Variants in RABGAP1L observed in about 807,000 individuals in gnomAD.
RABGAP1L encodes rab GTPase-activating protein 1-like.
A neutral mutation model predicts 137.7 loss-of-function variants in RABGAP1L; 63 were observed. That is an observed-to-expected ratio of 0.46 (90% CI 0.37 to 0.56). RABGAP1L has a LOEUF of 0.56. Ranked by LOEUF, RABGAP1L falls within the 20% of genes least tolerant of loss-of-function variation. The pLI is 0.00. For synonymous variants in RABGAP1L, 431 were observed against 433.7 expected, an observed-to-expected ratio of 0.99 and a Z score of 0.08; for missense variants, 1,095 against 1,244.0, an observed-to-expected ratio of 0.88 and a Z score of 1.80.
chr1:174,523,221 A>G (rs543846795), intron 13 of RABGAP1L, among the ~76,000 whole-genome samples: 2 of 152,324 alleles, frequency 1.3e-5, no homozygotes, highest in South Asian at 2.1e-4. Flanking sequence ...TCATCCTTCA[A>G]TGAACACAAC....
intron 13 of RABGAP1L, among the ~76,000 whole-genome samples, chr1:174,422,061 G>A (rs145640538): frequency 1.3e-5 from 2 of 152,064 alleles, no homozygotes; most frequent in African/African-American, 2.4e-5. Context: ...GAGCCAACAC[G>A]CCCAGCCTCT....
intron 13 of RABGAP1L, among the ~76,000 whole-genome samples, chr1:174,408,635 T>G (rs537542961): frequency 5.3e-5 from 8 of 152,298 alleles, no homozygotes; most frequent in African/African-American, 1.9e-4. Context: ...GAGAAATCTC[T>G]AAAGCATTCC....
At chr1:174,537,173 A>G (rs918343822) in intron 13 of RABGAP1L, among the ~76,000 whole-genome samples, 6 of 152,202 alleles carry the variant, frequency 3.9e-5, no homozygotes, top group African/African-American at 1.2e-4. Flanking sequence ...TCTGACTTAG[A>G]TGAAGTTTCA....
intron 1 of RABGAP1L, among the ~76,000 whole-genome samples, chr1:174,164,763 C>T (rs1451101084): frequency 1.3e-5 from 2 of 152,196 alleles, no homozygotes; most frequent in Non-Finnish European, 2.9e-5. Flanking sequence ...TGGGTTTTGA[C>T]TTCCAAATTA....
intron 1 of RABGAP1L, among the ~76,000 whole-genome samples, chr1:174,177,967 G>C (rs994493103): frequency 8.6e-5 from 13 of 152,044 alleles, no homozygotes; most frequent in Non-Finnish European, 1.9e-4. Context: ...TATATGGATT[G>C]TTTTTTGGTT....
At chr1:174,371,859 A>G (rs1284191976) in intron 12 of RABGAP1L, among the ~76,000 whole-genome samples, 1 of 152,210 alleles carries the variant, frequency 6.6e-6, no homozygotes, top group South Asian at 2.1e-4. Context: ...TCAAGAGAAA[A>G]GTGGATGCTC....
At chr1:174,779,447 G>A (rs1316486490) in intron 18 of RABGAP1L, among the ~76,000 whole-genome samples, 2 of 152,210 alleles carry the variant, frequency 1.3e-5, no homozygotes, top group South Asian at 4.1e-4. Flanking sequence ...TAAAGACAGT[G>A]TGAGGCTGTT....
At chr1:174,376,111 GGAGAGAAAGACA>G (rs1685517801) in intron 12 of RABGAP1L, among the ~76,000 whole-genome samples, 1 of 147,242 alleles carries the variant, frequency 6.8e-6, no homozygotes, top group Admixed American at 6.9e-5. Flanking sequence ...AAAGAAGGAA[GGAGAGAAAGACA>G]GAGAGAGATA....
chr1:174,942,142 A>G (rs1665989598), intron 19 of RABGAP1L, among the ~76,000 whole-genome samples: 1 of 152,226 alleles, frequency 6.6e-6, no homozygotes, highest in African/African-American at 2.4e-5. Context: ...GTCCATAACT[A>G]CATGGCTCTA....
intron 1 of RABGAP1L, among the ~76,000 whole-genome samples, chr1:174,214,164 A>T (rs988239768): frequency 6.6e-6 from 1 of 152,238 alleles, no homozygotes; most frequent in Non-Finnish European, 1.5e-5. Context: ...AAAAATCAAC[A>T]TATAAAAATC....
intron 10 of RABGAP1L, among the ~76,000 whole-genome samples, chr1:174,299,361 G>C (rs1325795375): frequency 1.3e-5 from 2 of 152,218 alleles, no homozygotes; most frequent in Non-Finnish European, 2.9e-5. Context: ...CAGGAACTCT[G>C]TACAGGGACT....
intron 19 of RABGAP1L, among the ~76,000 whole-genome samples, chr1:174,843,328 TA>T (rs1343623072): frequency 1.3e-4 from 20 of 149,274 alleles, no homozygotes; most frequent in Non-Finnish European, 2.4e-4. Flanking sequence ...CTGCACCCAC[TA>T]ACTCGTCATC....
Position 174,241,575 on chromosome 1 carries a change from G to A in RABGAP1L, c.635G>A (p.Ser212Asn), listed in dbSNP as rs781437040. 1.2e-6 allele frequency: 2 copies of A among 1,613,662 alleles called. No individual in the cohort carries two copies. Among genetic ancestry groups the A allele is most frequent in the East Asian group, 2.2e-5 (1 of 44,864 alleles). Residue 212 changes from serine (S) to asparagine (N), a missense_variant, in exon 5 of 26, where the codon AGC (serine) becomes AAC (asparagine). Physicochemically the swap from Ser to Asn is conservative, Grantham distance 46 (BLOSUM62 1). Transcript: ENST00000681986. ...CGTGGACATGACGGAACAACAGAGA[G>A]CAATTGCTTTGCATTTACAGAGAGT... ...CARGHDGTTE[S>N]NCFAFTESSH...
At chr1:174,617,346 A>G (rs889181551) in intron 13 of RABGAP1L, among the ~76,000 whole-genome samples, 1 of 152,246 alleles carries the variant, frequency 6.6e-6, no homozygotes. Flanking sequence ...TGAAGAAAGT[A>G]GAGTATCAGG....
intron 13 of RABGAP1L, among the ~76,000 whole-genome samples, chr1:174,560,213 G>T (rs899587974): frequency 9.9e-5 from 15 of 151,872 alleles, no homozygotes; most frequent in Non-Finnish European, 4.4e-5. Flanking sequence ...GGGTTTCTGT[G>T]TCAAGAAGAC....
chr1:174,646,435 G>T (rs1572666081), intron 14 of RABGAP1L, among the ~76,000 whole-genome samples: 1 of 152,078 alleles, frequency 6.6e-6, no homozygotes, highest in African/African-American at 2.4e-5. Context: ...CATATGGCTA[G>T]CCAGTTTTCC....
chr1:174,632,432 G>C (rs1296854610), intron 13 of RABGAP1L, among the ~76,000 whole-genome samples: 2,324 of 148,624 alleles, frequency 0.016, 56 homozygotes, highest in African/African-American at 0.056. Flanking sequence ...GAATCTGAAT[G>C]TTGGCCTGCC....
At chr1:174,614,454 G>C (rs893925838) in intron 13 of RABGAP1L, among the ~76,000 whole-genome samples, 1 of 152,316 alleles carries the variant, frequency 6.6e-6, no homozygotes, top group East Asian at 1.9e-4. Context: ...TCTGCTGTTA[G>C]ACTGATGGGC....
At chr1:174,746,090 GCTCT>G (rs1345232203) in intron 17 of RABGAP1L, among the ~76,000 whole-genome samples, 2 of 152,222 alleles carry the variant, frequency 1.3e-5, no homozygotes, top group East Asian at 3.9e-4. Context: ...CAATCTGTCA[GCTCT>G]CTCTGAACCC....
Sources: gnomAD v4.1 joint callset for allele counts (sites outside exome capture counted in the v4.1 genomes callset) on GRCh38, gnomAD v4.1.1 for gene constraint, MANE v1.5 for transcripts, NCBI Gene and HGNC (gene_info 2026-07-23, HGNC 2026-07-21) for gene names.